The following RSPH6A variants were observed in gnomAD, a reference collection of about 807,000 sequenced individuals.
RSPH6A encodes the protein radial spoke head 6 homolog A.
In RSPH6A, 49 loss-of-function variants were observed where a neutral mutation model predicts 66.1. The ratio of observed to expected loss-of-function variants is 0.74; its 90% CI spans 0.59 to 0.94. The LOEUF (loss-of-function observed/expected upper bound fraction) is 0.94. Among genes scored for constraint, RSPH6A ranks in the 40% least tolerant of loss-of-function variants. RSPH6A has a pLI of 0.00. For missense variants in RSPH6A, 977 were observed against 948.3 expected (o/e 1.03, Z -0.40); for synonymous variants, 419 against 402.4 (o/e 1.04, Z -0.49).
chr19:45,811,524 G>C (rs2146289628), intron 1 of RSPH6A, among the ~76,000 whole-genome samples: 1 of 151,180 alleles, frequency 6.6e-6, no homozygotes, highest in Admixed American at 6.6e-5. Context: ...TGCAGTCTCT[G>C]TCTCCTGGGT....
chr19:45,810,883 C>T lies in RSPH6A; in HGVS notation c.651-43G>A, dbSNP rs777834635. On this transcript the variant is annotated intron_variant, in intron 1 of 5. Transcript: ENST00000221538. ...AGTGGGAGGAGAGGGACCTCACTCA[C>T]TCAGCTCACTGAGCTGGCTCCCATG... 1.6e-5 allele frequency: 24 copies of T among 1,515,536 alleles called. No homozygotes were observed. The South Asian group carries it at 2.6e-4, about 16-fold the overall frequency. 93.9% of individuals were successfully genotyped at this position (1,515,536 alleles called of 1,614,324 possible). A position where few individuals can be genotyped will look rare whatever the true frequency, so the allele number is the denominator to read the frequency against.
Position 45,804,613 on chromosome 19 carries a change from C to T in RSPH6A, c.1292G>A (p.Cys431Tyr). Reference sequence around the variant, plus strand: ...CGTCCATGGCAGGCCCGGCTCGTTGCACACAAAGTACAGGTACTTGTTGGC... The same window carrying T: ...CGTCCATGGCAGGCCCGGCTCGTTGTACACAAAGTACAGGTACTTGTTGGC... ...SGANKYLYFV[C>Y]NEPGLPWTRL... The change falls in exon 3 of 6, where the codon TGC becomes TAC. Residue 431 changes from cysteine to tyrosine, a missense_variant. Transcript: ENST00000221538. This position sits in a 1 kb window ranked among gnomAD's most constrained non-coding sequence, Gnocchi z 5.8. The T allele has an allele frequency of 1.2e-6, 2 of 1,614,160 alleles. No homozygotes were observed. Among genetic ancestry groups the T allele is most frequent in the Non-Finnish European group, 8.5e-7 (1 of 1,180,038 alleles).
chr19:45,808,965 C>A (rs1279870355), intron 2 of RSPH6A, among the ~76,000 whole-genome samples: 1 of 149,268 alleles, frequency 6.7e-6, no homozygotes, highest in Non-Finnish European at 1.5e-5. Context: ...TCAAGCCCGG[C>A]CGAGAATAGT....
chr19:45,807,875 T>TA, intron 2 of RSPH6A, among the ~76,000 whole-genome samples: 1 of 152,316 alleles, frequency 6.6e-6, no homozygotes, highest in South Asian at 2.1e-4. Context: ...TAGGGACAGC[T>TA]AGGGAGCCTG....
intron 2 of RSPH6A, among the ~76,000 whole-genome samples, chr19:45,809,167 A>G (rs1970588743): frequency 1.4e-5 from 2 of 145,158 alleles, no homozygotes; most frequent in East Asian, 2.1e-4. Context: ...ACGCCTGGCT[A>G]ATTTTTTGTA....
chr19:45,809,063 G>A (rs1461504068), intron 2 of RSPH6A, among the ~76,000 whole-genome samples: 2 of 133,994 alleles, frequency 1.5e-5, no homozygotes, highest in African/African-American at 5.7e-5. Flanking sequence ...GTGCAGTGGT[G>A]CAATCTCAGC....
At chr19:45,803,419 G>A (rs1970496979) in intron 3 of RSPH6A, among the ~76,000 whole-genome samples, 1 of 152,016 alleles carries the variant, frequency 6.6e-6, no homozygotes. Flanking sequence ...GCTCATGCCT[G>A]TAATCCCAGC....
intron 4 of RSPH6A, among the ~76,000 whole-genome samples, chr19:45,801,054 C>G (rs541444911): frequency 3.3e-4 from 50 of 152,176 alleles, no homozygotes; most frequent in African/African-American, 1.1e-3. Flanking sequence ...CGCCTCAGCC[C>G]CCCAAAGTGC....
rs781080000 is a variant in RSPH6A at position 45,804,652 on chromosome 19, T to C, written c.1253A>G (p.Glu418Gly). The C allele has an allele frequency of 1.2e-6, 2 of 1,613,946 alleles. No individual in the cohort carries two copies. Among genetic ancestry groups the C allele is most frequent in the African/African-American group, 2.7e-5 (2 of 74,908 alleles). ...WKPPPVIPKE[E>G]SRSGANKYLY... ...GTACTTGTTGGCGCCTGAGCGGCTCTCCTCCTTGGGGATCACGGGCGGCGG... is the reference window on the plus strand; with the variant it reads ...GTACTTGTTGGCGCCTGAGCGGCTCCCCTCCTTGGGGATCACGGGCGGCGG... Residue 418 changes from glutamate (E) to glycine (G), a missense_variant, in exon 3 of 6, where the codon GAG (glutamate) becomes GGG (glycine). Coordinates refer to ENST00000221538, the MANE Select transcript of RSPH6A (RefSeq NM_030785.4). The surrounding 1 kb of genome is among the most constrained non-coding windows in gnomAD (Gnocchi z 5.8).
chr19:45,813,668 C>T (rs1416885093), intron 1 of RSPH6A, among the ~76,000 whole-genome samples: 2 of 152,164 alleles, frequency 1.3e-5, no homozygotes, highest in African/African-American at 4.8e-5. Context: ...TTCATGTGTT[C>T]CCTAGCCCTC....
intron 3 of RSPH6A, among the ~76,000 whole-genome samples, chr19:45,802,950 T>G (rs539437760): frequency 6.7e-6 from 1 of 149,914 alleles, no homozygotes; most frequent in Admixed American, 6.7e-5. Context: ...GGCTTACGCC[T>G]GTAATCCCAG....
intron 4 of RSPH6A, among the ~76,000 whole-genome samples, chr19:45,800,764 ACACACACACACT>A (rs1970462087): frequency 8.5e-6 from 1 of 117,524 alleles, no homozygotes; most frequent in Non-Finnish European, 1.9e-5. Context: ...ACACACACAC[ACACACACACACT>A]CTCTCTCTCT....
intron 2 of RSPH6A, among the ~76,000 whole-genome samples, chr19:45,805,281 C>T (rs1175671423): frequency 1.3e-5 from 2 of 150,978 alleles, no homozygotes; most frequent in Non-Finnish European, 2.9e-5. Flanking sequence ...CCTGTAATAC[C>T]AGCTACCCAG....
chr19:45,804,305 G>T lies in RSPH6A; in HGVS notation c.1600C>A (p.Leu534Met), dbSNP rs767828041. 3.1e-6 allele frequency: 5 copies of T among 1,614,078 alleles called. No individual in the cohort carries two copies. The highest frequency in any genetic ancestry group is 4.2e-6 in the Non-Finnish European group (5 of 1,179,996). ...ACCCAGTTGGCCATGGAGTCGACCA[G>T]CTCCAGCACGGGGATGCCCTCGAAG... is the stretch of plus-strand genomic sequence containing the variant. ...PDFEGIPVLE[L>M]VDSMANWVHH... The change falls in exon 3 of 6, where the codon CTG (leucine) becomes ATG (methionine). Residue 534 changes from leucine to methionine, a missense_variant. Coordinates refer to ENST00000221538, the MANE Select transcript of RSPH6A (RefSeq NM_030785.4). The surrounding 1 kb of genome is among the most constrained non-coding windows in gnomAD (Gnocchi z 5.8).
Position 45,814,985 on chromosome 19 carries a change from G to T in RSPH6A, c.192C>A (p.Ser64=), listed in dbSNP as rs1252310092. 1.2e-6 allele frequency: 2 copies of T among 1,613,836 alleles called. No individual in the cohort carries two copies. Among genetic ancestry groups the T allele is most frequent in the African/African-American group, 2.7e-5 (2 of 74,932 alleles). The change falls in exon 1 of 6, where the codon TCC becomes TCA. Residue 64 remains serine, a synonymous_variant. Coordinates refer to ENST00000221538, the MANE Select transcript of RSPH6A (RefSeq NM_030785.4). ...APGWSQRGSL[S]QQENLLMPQV... is the part of the protein sequence containing the mutation. ...GGGGCATCAGCAAGTTCTCCTGTTG[G>T]GACAGGCTGCCCCTCTGTGACCAAC...
At chr19:45,807,531 G>C (rs188157961) in intron 2 of RSPH6A, among the ~76,000 whole-genome samples, 29 of 124,912 alleles carry the variant, frequency 2.3e-4, no homozygotes, top group Non-Finnish European at 4.8e-4. Context: ...TATTTTTTGA[G>C]ACGGAGTCTC....
rs749979825 is a variant in RSPH6A at position 45,802,214 on chromosome 19, GTCC to G, written c.1701_1703del (p.Glu567del). 6.3e-5 allele frequency: 98 copies of G among 1,545,138 alleles called. No homozygotes were observed. Among genetic ancestry groups the G allele is most frequent in the Admixed American group, 1.9e-4 (10 of 53,628 alleles). ...CTGCCTTCTCTTCCTCCTCCCCCAGGTCCTCCTCCTCCTCTGTCTTCTGCAAAG... is the reference window on the plus strand; with the variant it reads ...CTGCCTTCTCTTCCTCCTCCCCCAGGTCCTCCTCCTCTGTCTTCTGCAAAG... On this transcript the variant is annotated inframe_deletion, in exon 4 of 6. Transcript: ENST00000221538.
chr19:45,815,037 G>A lies in RSPH6A; in HGVS notation c.140C>T (p.Pro47Leu), dbSNP rs995344873. The A allele has an allele frequency of 3.7e-6, 6 of 1,613,588 alleles. No individual in the cohort carries two copies. The African/African-American group carries it at 4.0e-5, about 11-fold the overall frequency. ...AGGGGCGTTTCGCTGGGCGTCTGGA[G>A]GTATCTGCTGCCTCTCCTCGGGGTC... The part of the protein sequence containing the change: ...AADPEERQQI[P>L]PDAQRNAPGW... Residue 47 changes from proline (P) to leucine (L), a missense_variant, in exon 1 of 6, where the codon CCT becomes CTT. By Grantham distance (98) the Pro-to-Leu change is moderately conservative. Coordinates refer to ENST00000221538, the MANE Select transcript of RSPH6A (RefSeq NM_030785.4).
chr19:45,812,019 G>A (rs747620239), intron 1 of RSPH6A, among the ~76,000 whole-genome samples: 10 of 151,518 alleles, frequency 6.6e-5, no homozygotes, highest in Admixed American at 2.6e-4. Context: ...GACCTCAGGT[G>A]ATCCGCCCGT....
Sources: allele counts gnomAD v4.1 joint callset (sites outside exome capture counted in the v4.1 genomes callset), GRCh38; gene constraint gnomAD v4.1.1; non-coding constraint Gnocchi (gnomAD v3.1); transcripts MANE v1.5; gene names NCBI Gene and HGNC (gene_info 2026-07-23, HGNC 2026-07-21).